The following C1orf141 variants were observed in gnomAD, a reference collection of about 807,000 sequenced individuals.
The protein encoded by C1orf141 is chromosome 1 open reading frame 141.
Under a neutral mutation model 23.2 loss-of-function variants are expected in C1orf141, and 19 were observed. The observed-to-expected ratio is 0.82, with a 90% CI of 0.57 to 1.20. C1orf141 has a LOEUF of 1.20. Ranked by LOEUF, C1orf141 falls within the 50% of genes most tolerant of loss-of-function variation. The pLI is 0.00. For synonymous variants in C1orf141, 153 were observed against 154.6 expected (o/e 0.99, Z 0.08); for missense variants, 469 against 455.1 (o/e 1.03, Z -0.28).
intron 5 of C1orf141, chr1:67,103,176 C>CTA: frequency 6.9e-6 from 6 of 866,084 alleles, no homozygotes; most frequent in Non-Finnish European, 1.0e-5. Flanking sequence ...TTAATGCTTA[C>CTA]ACACTAATTT....
intron 5 of C1orf141, among the ~76,000 whole-genome samples, chr1:67,108,272 T>G (rs1645979218): frequency 1.3e-5 from 2 of 152,210 alleles, no homozygotes; most frequent in African/African-American, 4.8e-5. Flanking sequence ...GGGCTCGCTC[T>G]CGGATTCATA....
At chr1:67,099,440 C>G (rs1645751777) in intron 5 of C1orf141, among the ~76,000 whole-genome samples, 1 of 152,116 alleles carries the variant, frequency 6.6e-6, no homozygotes, top group Non-Finnish European at 1.5e-5. Flanking sequence ...CAACAGGTCA[C>G]CATTGAAAGA....
Position 67,096,108 on chromosome 1 carries a change from T to C in C1orf141, c.416+144A>G, listed in dbSNP as rs1570674413. 1.0e-5 allele frequency: 5 copies of C among 494,732 alleles called. No individual in the cohort carries two copies. In the East Asian group the frequency reaches 1.8e-4, roughly 18 times the overall value. The allele number at this position is 494,732 out of a possible 1,614,324, so 30.6% of individuals were successfully genotyped here. On this transcript the variant is annotated intron_variant, in intron 6 of 7. Coordinates refer to ENST00000684719, the MANE Select transcript of C1orf141 (RefSeq NM_001276351.2). Reference sequence around the variant, plus strand: ...AGGTCTGGATGTGATATCTAGTGGCTAAGCAGTCTTGGACCATTCATTGGA... The same window carrying C: ...AGGTCTGGATGTGATATCTAGTGGCCAAGCAGTCTTGGACCATTCATTGGA...
chr1:67,135,271 T>C (rs1646575507), upstream of C1orf141, among the ~76,000 whole-genome samples: 2 of 152,272 alleles, frequency 1.3e-5, no homozygotes, highest in Non-Finnish European at 2.9e-5. Context: ...TGTGCTTTCC[T>C]GGAAACATCG....
chr1:67,128,756 A>G (rs1194835021), intron 2 of C1orf141, among the ~76,000 whole-genome samples: 2 of 152,106 alleles, frequency 1.3e-5, no homozygotes, highest in Non-Finnish European at 2.9e-5. Flanking sequence ...ACTTTTGCTC[A>G]CTGAATTAAA....
intron 4 of C1orf141, among the ~76,000 whole-genome samples, chr1:67,125,180 G>A (rs960180188): frequency 6.6e-6 from 1 of 152,000 alleles, no homozygotes; most frequent in African/African-American, 2.4e-5. Flanking sequence ...ACATTAATTT[G>A]GGGCAATATA....
chr1:67,103,802 A>C (rs1645861620), intron 5 of C1orf141, among the ~76,000 whole-genome samples: 1 of 152,128 alleles, frequency 6.6e-6, no homozygotes, highest in Non-Finnish European at 1.5e-5. Flanking sequence ...AGTTCTGAGT[A>C]GAGAAGAAAC....
At chr1:67,098,172 T>A (rs1264374514) in intron 5 of C1orf141, among the ~76,000 whole-genome samples, 1 of 151,906 alleles carries the variant, frequency 6.6e-6, no homozygotes, top group East Asian at 1.9e-4. Context: ...AAGGAAAGAG[T>A]GACATATAGT....
At chr1:67,107,427 C>A (rs1403046241) in intron 5 of C1orf141, among the ~76,000 whole-genome samples, 2 of 151,970 alleles carry the variant, frequency 1.3e-5, no homozygotes, top group African/African-American at 4.8e-5. Flanking sequence ...ATAAACATTT[C>A]AATGAAAAGA....
At chr1:67,123,505 C>T (rs2102486897) in intron 4 of C1orf141, 1 of 151,872 alleles carries the variant, frequency 6.6e-6, no homozygotes, top group East Asian at 1.9e-4. Flanking sequence ...TTTTATTTGG[C>T]TGAGGTATAA....
intron 4 of C1orf141, chr1:67,123,760 G>C (rs547921392): frequency 1.3e-5 from 2 of 152,200 alleles, no homozygotes; most frequent in South Asian, 4.2e-4. Flanking sequence ...CCCTACTTAC[G>C]AGCTAACAAG....
chr1:67,105,258 A>G (rs1455765011), intron 5 of C1orf141, among the ~76,000 whole-genome samples: 3 of 150,036 alleles, frequency 2.0e-5, no homozygotes, highest in Non-Finnish European at 3.0e-5. Flanking sequence ...TCTGGGAGGC[A>G]GAGGTTGCAT....
At chr1:67,101,185 C>T (rs1370800952) in intron 5 of C1orf141, among the ~76,000 whole-genome samples, 2 of 152,112 alleles carry the variant, frequency 1.3e-5, no homozygotes, top group Non-Finnish European at 2.9e-5. Flanking sequence ...TTTGTCTCTT[C>T]TGTTATCAAC....
chr1:67,103,731 A>G (rs2102434856), intron 5 of C1orf141, among the ~76,000 whole-genome samples: 1 of 152,260 alleles, frequency 6.6e-6, no homozygotes, highest in East Asian at 1.9e-4. Context: ...GCTGGGAAAT[A>G]AAGCCTTCTC....
intron 2 of C1orf141, among the ~76,000 whole-genome samples, chr1:67,130,145 C>T (rs745734687): frequency 6.6e-6 from 1 of 152,032 alleles, no homozygotes; most frequent in African/African-American, 2.4e-5. Context: ...AAGAAACATC[C>T]CTCTTGTAAA....
intron 1 of C1orf141, among the ~76,000 whole-genome samples, chr1:67,132,021 G>T (rs369976758): frequency 1.1e-4 from 17 of 151,660 alleles, no homozygotes; most frequent in African/African-American, 4.1e-4. Context: ...CTGACCTTGT[G>T]ATCCGCCCAC....
At chr1:67,125,680 T>C (rs1174287267) in intron 4 of C1orf141, 72 bp downstream of exon 4, 1 of 1,415,522 alleles carries the variant, frequency 7.1e-7, no homozygotes, top group African/African-American at 1.4e-5. Context: ...CCCTAGGCAA[T>C]GAGTGAGTCC....
At chr1:67,103,671 G>A (rs1332497465) in intron 5 of C1orf141, among the ~76,000 whole-genome samples, 1 of 151,904 alleles carries the variant, frequency 6.6e-6, no homozygotes, top group Non-Finnish European at 1.5e-5. Flanking sequence ...AGCCTTTATA[G>A]TCACATAAAA....
chr1:67,100,018 C>T (rs960987943), intron 5 of C1orf141, among the ~76,000 whole-genome samples: 4 of 151,872 alleles, frequency 2.6e-5, no homozygotes, highest in Non-Finnish European at 5.9e-5. Flanking sequence ...TTTTCTTTAA[C>T]TTTGCTTTAC....
Sources: gnomAD v4.1 joint callset for allele counts (sites outside exome capture counted in the v4.1 genomes callset) on GRCh38, gnomAD v4.1.1 for gene constraint, MANE v1.5 for transcripts, NCBI Gene and HGNC (gene_info 2026-07-23, HGNC 2026-07-21) for gene names.